METTL9: variants seen among roughly 807,000 people sequenced by gnomAD.
METTL9 encodes the protein methyltransferase 9, His-X-His N1(pi)-histidine.
In METTL9, 10 loss-of-function variants were observed where a neutral mutation model predicts 36.0. That is an observed-to-expected ratio of 0.28 (90% CI 0.17 to 0.47). The LOEUF (loss-of-function observed/expected upper bound fraction) is 0.47. METTL9 is among the 20% of genes least tolerant of loss of function. The pLI is 0.99. For missense variants in METTL9, 246 were observed against 383.5 expected (o/e 0.64, Z 3.00); for synonymous variants, 175 against 149.7 (o/e 1.17, Z -1.23).
At chr16:21,643,551 TTG>T (rs753914519) in intron 4 of METTL9, 6 of 1,599,020 alleles carry the variant, frequency 3.8e-6, no homozygotes, top group Admixed American at 1.7e-5. Context: ...TCTGTACCTT[TTG>T]TGAGTCTTCT....
intron 1 of METTL9, chr16:21,612,400 C>T (rs927592818): frequency 2.9e-6 from 1 of 344,466 alleles, no homozygotes; most frequent in Non-Finnish European, 5.1e-6. Flanking sequence ...TCCACCCTTC[C>T]CTCACCCACT....
At chr16:21,612,188 A>G (rs767113724) in intron 1 of METTL9, 4 of 153,080 alleles carry the variant, frequency 2.6e-5, no homozygotes, top group African/African-American at 9.6e-5. Context: ...GAGTTAAGGC[A>G]TTGGATTATG....
chr16:21,640,545 G>GT (rs1428107631), intron 4 of METTL9: 2 of 141,324 alleles, frequency 1.4e-5, no homozygotes, highest in Non-Finnish European at 3.0e-5. Flanking sequence ...GAGGTCTTGA[G>GT]TTTGAGACCA....
At position 21,655,007 on chromosome 16, in the gene METTL9, A is replaced by G. The variant is rs999361841; in HGVS notation, c.752-220A>G. 1.9e-5 allele frequency: 11 copies of G among 570,584 alleles called. No homozygotes were observed. The African/African-American group carries it at 2.1e-4, about 11-fold the overall frequency. The allele number at this position is 570,584 out of a possible 1,614,324, so 35.3% of individuals were successfully genotyped here. A position where few individuals can be genotyped will look rare whatever the true frequency, so the allele number is the denominator to read the frequency against. ...GGCTTACATTTCCATACTGACACTC[A>G]TTAACCTTGCAAGCGTGGGCAAGTT... is the stretch of plus-strand genomic sequence containing the variant. On this transcript the variant is annotated intron_variant, in intron 4 of 4. Coordinates refer to ENST00000358154, the MANE Select transcript of METTL9 (RefSeq NM_016025.5).
intron 4 of METTL9, among the ~76,000 whole-genome samples, chr16:21,634,158 G>A (rs539522132): frequency 2.0e-5 from 3 of 152,248 alleles, no homozygotes; most frequent in Admixed American, 6.5e-5. Context: ...GGATGGTAAC[G>A]GACCTTGAGG....
intron 1 of METTL9, among the ~76,000 whole-genome samples, chr16:21,606,364 C>A (rs559185831): frequency 6.6e-6 from 1 of 151,876 alleles, no homozygotes; most frequent in South Asian, 2.1e-4. Flanking sequence ...AATAATAAAC[C>A]ACTTAGGTTT....
In METTL9 at chr16:21,657,166, CA is replaced by C. The variant is rs1966728776; in HGVS notation, c.*1736del. 6.6e-6 allele frequency: 1 copy of C among 152,044 alleles called. No individual in the cohort carries two copies. The highest frequency in any genetic ancestry group is 2.4e-5 in the African/African-American group (1 of 41,396). The allele number at this position is 152,044 out of a possible 1,614,324, so 9.4% of individuals were successfully genotyped here. On this transcript the variant is annotated 3_prime_UTR_variant, in exon 5 of 5. Transcript: ENST00000358154. ...ACTTTATGCTCTAATAAGAAAAATA[CA>C]ACTCATTCTTAACCACCCCCCCAAA...
At chr16:21,610,163 G>T (rs1315466079) in intron 1 of METTL9, among the ~76,000 whole-genome samples, 1 of 152,112 alleles carries the variant, frequency 6.6e-6, no homozygotes, top group Non-Finnish European at 1.5e-5. Flanking sequence ...CAGCTCCCCA[G>T]CCCCTGGCAG....
chr16:21,630,824 A>G lies in METTL9; in HGVS notation c.751+5709A>G, dbSNP rs1414722098. On this transcript the variant is annotated intron_variant, in intron 4 of 4. Coordinates refer to ENST00000358154, the MANE Select transcript of METTL9 (RefSeq NM_016025.5). Reference sequence around the variant, plus strand: ...TGAGTAACAGCAAGATGGCTGCCACAGGACCTAGAAAGGGGAGAAGCCATG... The same window carrying G: ...TGAGTAACAGCAAGATGGCTGCCACGGGACCTAGAAAGGGGAGAAGCCATG... Among the ~76,000 whole-genome samples the G allele has an allele frequency of 2.6e-5, 4 of 152,230 alleles. No homozygotes were observed. In the East Asian group the frequency reaches 7.7e-4, roughly 29 times the overall value.
At chr16:21,616,761 A>G (rs1395904063) in intron 2 of METTL9, among the ~76,000 whole-genome samples, 1 of 152,158 alleles carries the variant, frequency 6.6e-6, no homozygotes, top group Non-Finnish European at 1.5e-5. Flanking sequence ...TCTCTTAAAA[A>G]TCTGTTATAC....
At position 21,622,677 on chromosome 16, in the gene METTL9, GAAGT is replaced by G. The variant is rs1482395723; in HGVS notation, c.567-2250_567-2247del. On this transcript the variant is annotated intron_variant, in intron 3 of 4. Transcript: ENST00000358154. ...GTTTACAAATAAAAATCACAAAACA[GAAGT>G]AAGAATGCACTTGAGCTTCTATAGG... Among the ~76,000 whole-genome samples the G allele has an allele frequency of 3.9e-5, 6 of 152,286 alleles. No homozygotes were observed. The East Asian group carries it at 1.2e-3, about 29-fold the overall frequency.
intron 4 of METTL9, chr16:21,643,534 G>A (rs767462197): frequency 1.3e-6 from 2 of 1,540,342 alleles, no homozygotes; most frequent in East Asian, 2.3e-5. Context: ...TATTTTTCAA[G>A]TGTTGGTCTG....
intron 4 of METTL9, chr16:21,627,079 C>G: frequency 1.0e-6 from 1 of 985,328 alleles, no homozygotes; most frequent in Non-Finnish European, 1.2e-6. Flanking sequence ...GACAAGAAGC[C>G]TTGTTGCTAT....
intron 4 of METTL9, among the ~76,000 whole-genome samples, chr16:21,650,403 G>GACC (rs2141623735): frequency 6.6e-6 from 1 of 151,874 alleles, no homozygotes; most frequent in East Asian, 1.9e-4. Flanking sequence ...AGCTACTTGG[G>GACC]AGGCTGAAGC....
At chr16:21,611,239 A>T (rs913244604) in intron 1 of METTL9, among the ~76,000 whole-genome samples, 1 of 152,210 alleles carries the variant, frequency 6.6e-6, no homozygotes, top group Non-Finnish European at 1.5e-5. Context: ...TAAAATGATT[A>T]ATCTCTGAAA....
At chr16:21,599,482 T>G, upstream of METTL9, 3 of 1,186,914 alleles carry the variant, frequency 2.5e-6, no homozygotes, top group East Asian at 4.0e-5. The surrounding 1 kb of genome is among the most constrained non-coding windows in gnomAD (Gnocchi z 4.4). Context: ...ACGCGGCCGC[T>G]CGTAAGTGCT....
At position 21,655,779 on chromosome 16, in the gene METTL9, A is replaced by C; in HGVS notation, c.*347A>C. On this transcript the variant is annotated 3_prime_UTR_variant, in exon 5 of 5. Coordinates refer to ENST00000358154, the MANE Select transcript of METTL9 (RefSeq NM_016025.5). ...AGTCACGACTTCATGGAACCAATCA[A>C]TGGATTGTTTTTTGAAGACTGGCAA... The C allele has an allele frequency of 5.1e-6, 1 of 197,134 alleles. No homozygotes were observed. 12.2% of individuals were successfully genotyped at this position (197,134 alleles called of 1,614,324 possible).
At chr16:21,606,753 C>CT (rs1365565632) in intron 1 of METTL9, among the ~76,000 whole-genome samples, 1 of 152,164 alleles carries the variant, frequency 6.6e-6, no homozygotes, top group African/African-American at 2.4e-5. Flanking sequence ...TAGGAACTCT[C>CT]TATCAGGAAC....
intron 1 of METTL9, among the ~76,000 whole-genome samples, chr16:21,604,865 T>C (rs1314980591): frequency 1.3e-5 from 2 of 152,190 alleles, no homozygotes; most frequent in African/African-American, 4.8e-5. Flanking sequence ...CCCATTTCTT[T>C]TGAGAATGGC....
Sources: allele counts gnomAD v4.1 joint callset (sites outside exome capture counted in the v4.1 genomes callset), GRCh38; gene constraint gnomAD v4.1.1; non-coding constraint Gnocchi (gnomAD v3.1); transcripts MANE v1.5; gene names NCBI Gene and HGNC (gene_info 2026-07-23, HGNC 2026-07-21).